KLF12: variants seen among roughly 807,000 people sequenced by gnomAD.
KLF12 encodes the protein Krueppel-like factor 12.
KLF12 carries 9 observed loss-of-function variants against 37.8 expected under a neutral mutation model. The observed-to-expected ratio is 0.24, with a 90% CI of 0.14 to 0.42. The LOEUF is 0.42. Ranked by LOEUF, KLF12 falls within the 10% of genes least tolerant of loss-of-function variation. The pLI is 1.00. For missense variants in KLF12, 411 were observed against 516.0 expected, an observed-to-expected ratio of 0.80 and a Z score of 1.97; for synonymous variants, 208 against 202.1, an observed-to-expected ratio of 1.03 and a Z score of -0.25.
At chr13:74,273,373 G>T in the KLF12 span, among the ~76,000 whole-genome samples, 2 of 151,164 alleles carry the variant, frequency 1.3e-5, no homozygotes, top group East Asian at 1.9e-4. Flanking sequence ...TTTGGTAAGT[G>T]TATCTGTGCT....
intron 1 of KLF12, among the ~76,000 whole-genome samples, chr13:74,073,163 T>C (rs1874376062): frequency 6.6e-6 from 1 of 152,238 alleles, no homozygotes; most frequent in Non-Finnish European, 1.5e-5. Flanking sequence ...GTGAGTCCAC[T>C]AAACCTCTTT....
intron 3 of KLF12, among the ~76,000 whole-genome samples, chr13:73,881,492 T>C (rs995504470): frequency 6.6e-5 from 10 of 152,136 alleles, no homozygotes; most frequent in Non-Finnish European, 1.2e-4. Context: ...TCAAATGGCA[T>C]GATTTAGTTA....
the KLF12 span, among the ~76,000 whole-genome samples, chr13:74,283,416 T>C: frequency 6.6e-6 from 1 of 152,156 alleles, no homozygotes; most frequent in Non-Finnish European, 1.5e-5. Context: ...CACATACAAA[T>C]GTGAATAAGT....
chr13:73,753,245 G>A (rs957526435), intron 6 of KLF12, among the ~76,000 whole-genome samples: 4 of 151,864 alleles, frequency 2.6e-5, no homozygotes, highest in Admixed American at 6.6e-5. Context: ...TTCACTTTTC[G>A]TTCCTTGAAT....
At chr13:74,182,370 A>G in the KLF12 span, among the ~76,000 whole-genome samples, 2 of 152,176 alleles carry the variant, frequency 1.3e-5, no homozygotes, top group Admixed American at 6.5e-5. Context: ...TTCTCTGTCT[A>G]TGGTTATCAG....
At chr13:74,193,235 C>A in the KLF12 span, among the ~76,000 whole-genome samples, 2 of 152,252 alleles carry the variant, frequency 1.3e-5, no homozygotes, top group East Asian at 3.9e-4. Flanking sequence ...CTTCCTGGGC[C>A]TCCCAAAGTG....
intron 3 of KLF12, among the ~76,000 whole-genome samples, chr13:73,914,296 T>C (rs983955000): frequency 2.0e-5 from 3 of 152,182 alleles, no homozygotes; most frequent in African/African-American, 7.2e-5. Context: ...TGGGCAGACA[T>C]GAGAAGACCA....
the KLF12 span, among the ~76,000 whole-genome samples, chr13:74,232,885 A>G: frequency 1.4e-5 from 2 of 138,052 alleles, no homozygotes; most frequent in African/African-American, 6.8e-5. Flanking sequence ...TTATTTATTT[A>G]TTATTATTAT....
chr13:73,948,629 G>A (rs914126029), intron 2 of KLF12, among the ~76,000 whole-genome samples: 18 of 152,166 alleles, frequency 1.2e-4, no homozygotes, highest in African/African-American at 4.3e-4. Context: ...AGGGCAATTA[G>A]GGGTTTGCAT....
the KLF12 span, chr13:74,231,328 C>T: frequency 6.6e-6 from 1 of 152,162 alleles, no homozygotes. Context: ...TAATCACTTA[C>T]CACATCCTCT....
At chr13:73,934,389 A>G (rs1172767045) in intron 3 of KLF12, among the ~76,000 whole-genome samples, 3 of 152,210 alleles carry the variant, frequency 2.0e-5, no homozygotes, top group Non-Finnish European at 4.4e-5. Context: ...TTTTCATTCA[A>G]TATGTCACGA....
intron 6 of KLF12, among the ~76,000 whole-genome samples, chr13:73,725,619 AT>A (rs1258716566): frequency 6.6e-6 from 1 of 151,332 alleles, no homozygotes. Flanking sequence ...CAAAATAAGG[AT>A]TTTGATTTTT....
intron 1 of KLF12, among the ~76,000 whole-genome samples, chr13:74,072,405 AT>A (rs1874320335): frequency 3.7e-5 from 5 of 133,348 alleles, no homozygotes; most frequent in Non-Finnish European, 8.1e-5. Flanking sequence ...ATATATATAT[AT>A]AAAAGATTAT....
At chr13:73,993,972 C>T (rs1001285634) in intron 2 of KLF12, among the ~76,000 whole-genome samples, 2 of 152,198 alleles carry the variant, frequency 1.3e-5, no homozygotes, top group African/African-American at 4.8e-5. Context: ...ACAGGCAACA[C>T]TGAGGTCATG....
the KLF12 span, among the ~76,000 whole-genome samples, chr13:74,263,726 G>A: frequency 3.3e-5 from 5 of 152,132 alleles, no homozygotes; most frequent in Admixed American, 6.6e-5. Flanking sequence ...GCGACAGAGC[G>A]AGACTCCATC....
the KLF12 span, among the ~76,000 whole-genome samples, chr13:74,227,040 C>T: frequency 1.3e-5 from 2 of 152,280 alleles, no homozygotes; most frequent in East Asian, 3.9e-4. Flanking sequence ...CATGTTTCTT[C>T]ACTGTTTTGT....
the KLF12 span, among the ~76,000 whole-genome samples, chr13:74,204,055 G>A: frequency 6.6e-6 from 1 of 152,110 alleles, no homozygotes; most frequent in African/African-American, 2.4e-5. Flanking sequence ...TCGAGATTTT[G>A]CAGTGCCTTC....
chr13:73,982,452 G>C (rs1184790180), intron 2 of KLF12, among the ~76,000 whole-genome samples: 1 of 152,044 alleles, frequency 6.6e-6, no homozygotes, highest in Non-Finnish European at 1.5e-5. Flanking sequence ...CGTACACTTA[G>C]GCAAAGACAA....
intron 5 of KLF12, among the ~76,000 whole-genome samples, chr13:73,805,800 A>G (rs950436671): frequency 5.6e-4 from 85 of 152,154 alleles, no homozygotes; most frequent in African/African-American, 1.9e-3. Flanking sequence ...TAGCTGAGGC[A>G]TAAAGTTTTT....
Sources: allele counts gnomAD v4.1 joint callset (sites outside exome capture counted in the v4.1 genomes callset), GRCh38; gene constraint gnomAD v4.1.1; transcripts MANE v1.5; gene names NCBI Gene and HGNC (gene_info 2026-07-23, HGNC 2026-07-21).